The following SNTG1 variants were observed in gnomAD, a reference collection of about 807,000 sequenced individuals.
SNTG1 encodes syntrophin gamma 1.
In SNTG1, 39 loss-of-function variants were observed where a neutral mutation model predicts 74.7. The observed-to-expected ratio is 0.52, with a 90% CI of 0.40 to 0.68. The LOEUF (loss-of-function observed/expected upper bound fraction) is 0.68, where lower values mean the gene tolerates loss of function less well. Among genes scored for constraint, SNTG1 ranks in the 30% least tolerant of loss-of-function variants. SNTG1 has a pLI of 0.00. For missense variants in SNTG1, 685 were observed against 609.5 expected, an observed-to-expected ratio of 1.12 and a Z score of -1.30; for synonymous variants, 254 against 217.1, an observed-to-expected ratio of 1.17 and a Z score of -1.49.
intron 17 of SNTG1, among the ~76,000 whole-genome samples, chr8:50,735,858 G>T (rs980338879): frequency 2.6e-5 from 4 of 151,980 alleles, no homozygotes; most frequent in Non-Finnish European, 5.9e-5. Context: ...AAAATGTTAA[G>T]GGCAGCCAGA....
chr8:50,702,257 T>A (rs2095428867), intron 15 of SNTG1, among the ~76,000 whole-genome samples: 1 of 152,154 alleles, frequency 6.6e-6, no homozygotes, highest in Non-Finnish European at 1.5e-5. Context: ...ACCCCAAAAC[T>A]ACTAAAAAGT....
chr8:50,040,014 A>G (rs901675251), intron 1 of SNTG1, among the ~76,000 whole-genome samples: 1 of 152,070 alleles, frequency 6.6e-6, no homozygotes, highest in African/African-American at 2.4e-5. Flanking sequence ...TGACTCTTGG[A>G]CGCCACAGAG....
At chr8:49,964,395 T>G (rs6990701) in intron 1 of SNTG1, among the ~76,000 whole-genome samples, 7,451 of 152,296 alleles carry the variant, frequency 0.049, 604 homozygotes, top group African/African-American at 0.17. Context: ...CATGATCACA[T>G]GAGCCAATAC....
intron 15 of SNTG1, among the ~76,000 whole-genome samples, chr8:50,664,914 C>A (rs1187447615): frequency 2.0e-5 from 3 of 152,076 alleles, no homozygotes; most frequent in Non-Finnish European, 4.4e-5. Context: ...ATCATTTGGC[C>A]AGGAAACCCT....
At chr8:50,165,128 C>T (rs956411073) in intron 1 of SNTG1, among the ~76,000 whole-genome samples, 1 of 152,120 alleles carries the variant, frequency 6.6e-6, no homozygotes, top group Non-Finnish European at 1.5e-5. Flanking sequence ...TTGAGTTCTG[C>T]TTTGATGAGC....
chr8:50,484,137 C>CTTTCCTTCTTTCT (rs1563453444), intron 8 of SNTG1, among the ~76,000 whole-genome samples: 9 of 55,894 alleles, frequency 1.6e-4, no homozygotes, highest in Non-Finnish European at 3.4e-4. Context: ...TCTTTCTTTC[C>CTTTCCTTCTTTCT]TTCTTTCTTT....
At position 50,433,725 on chromosome 8, in the gene SNTG1, C is replaced by T. The variant is rs151172875; in HGVS notation, c.163-4818C>T. 4.6e-4 allele frequency among the ~76,000 whole-genome samples: 70 copies of T among 152,118 alleles called. 1 individual carries two copies. The highest frequency in any genetic ancestry group is 1.1e-3 in the African/African-American group (47 of 41,512). On this transcript the variant is annotated intron_variant, in intron 4 of 18. Coordinates refer to ENST00000642720, the MANE Select transcript of SNTG1 (RefSeq NM_018967.5). The stretch of plus-strand genomic sequence containing the variant: ...TATTTATTCATTTAACATTTTAATA[C>T]CTAACTTTGTTTCATGACCTGTGCT...
intron 13 of SNTG1, among the ~76,000 whole-genome samples, chr8:50,619,367 T>C (rs2094905714): frequency 6.6e-6 from 1 of 152,174 alleles, no homozygotes. Flanking sequence ...CTGTTCAGTG[T>C]TGGGTGCTCT....
intron 1 of SNTG1, among the ~76,000 whole-genome samples, chr8:49,936,589 A>G (rs1808100809): frequency 6.6e-6 from 1 of 152,202 alleles, no homozygotes; most frequent in Non-Finnish European, 1.5e-5. Context: ...TTTTTACAAT[A>G]TGCTCTGTTT....
intron 9 of SNTG1, among the ~76,000 whole-genome samples, chr8:50,517,154 G>C (rs1214393772): frequency 6.6e-6 from 1 of 152,118 alleles, no homozygotes; most frequent in Non-Finnish European, 1.5e-5. Flanking sequence ...CATTCTTAAA[G>C]AAAAGAATTT....
chr8:50,161,127 G>C (rs1188361428), intron 1 of SNTG1, among the ~76,000 whole-genome samples: 1 of 152,186 alleles, frequency 6.6e-6, no homozygotes, highest in Non-Finnish European at 1.5e-5. Flanking sequence ...TGAAGATGAT[G>C]ATGATCCATG....
At position 49,923,463 on chromosome 8, in the gene SNTG1, A is replaced by G. The variant is rs557352428; in HGVS notation, c.-103+11232A>G. 2.1e-4 allele frequency among the ~76,000 whole-genome samples: 32 copies of G among 152,284 alleles called. No homozygotes were observed. The South Asian group carries it at 6.6e-3, about 32-fold the overall frequency. On this transcript the variant is annotated intron_variant, in intron 1 of 18. Transcript: ENST00000642720. Reference sequence around the variant, plus strand: ...TTCTGAGGAGAATTAACAAAATTCCAAATGAAATACAGTCTCTTCCTTCAA... The same window carrying G: ...TTCTGAGGAGAATTAACAAAATTCCGAATGAAATACAGTCTCTTCCTTCAA...
chr8:49,963,016 G>A (rs1342451947), intron 1 of SNTG1, among the ~76,000 whole-genome samples: 4 of 152,192 alleles, frequency 2.6e-5, no homozygotes, highest in African/African-American at 7.2e-5. Flanking sequence ...AGCCAGAGGC[G>A]GGAAGCGCAA....
intron 13 of SNTG1, among the ~76,000 whole-genome samples, chr8:50,630,702 T>A (rs1455654691): frequency 6.6e-6 from 1 of 152,180 alleles, no homozygotes; most frequent in Admixed American, 6.5e-5. Flanking sequence ...TGATGAGAAC[T>A]GATGGAATTT....
At chr8:50,556,199 G>T (rs1178915156) in intron 12 of SNTG1, among the ~76,000 whole-genome samples, 6 of 152,102 alleles carry the variant, frequency 3.9e-5, no homozygotes, top group Non-Finnish European at 8.8e-5. Context: ...CTTAGTAAAT[G>T]ATGTCTACTA....
At chr8:50,056,143 CCTT>C (rs1415560909) in intron 1 of SNTG1, among the ~76,000 whole-genome samples, 1 of 152,096 alleles carries the variant, frequency 6.6e-6, no homozygotes, top group Non-Finnish European at 1.5e-5. Context: ...AGCCTCATGA[CCTT>C]CTTGTTTCCC....
chr8:50,373,934 A>G (rs1361317622), intron 2 of SNTG1, among the ~76,000 whole-genome samples: 1 of 152,142 alleles, frequency 6.6e-6, no homozygotes, highest in African/African-American at 2.4e-5. Context: ...GGGCCATTAC[A>G]GGAATCATCT....
chr8:50,647,924 T>G (rs536123343), intron 13 of SNTG1, among the ~76,000 whole-genome samples: 2 of 152,260 alleles, frequency 1.3e-5, no homozygotes, highest in South Asian at 4.1e-4. Context: ...GATACACTGT[T>G]TCTTTAGAAT....
chr8:50,251,828 A>G (rs922914180), intron 2 of SNTG1, among the ~76,000 whole-genome samples: 1 of 152,088 alleles, frequency 6.6e-6, no homozygotes, highest in African/African-American at 2.4e-5. Flanking sequence ...TAATAAAGAA[A>G]CAACAGACTC....
Sources: gnomAD v4.1 joint callset for allele counts (sites outside exome capture counted in the v4.1 genomes callset) on GRCh38, gnomAD v4.1.1 for gene constraint, MANE v1.5 for transcripts, NCBI Gene and HGNC (gene_info 2026-07-23, HGNC 2026-07-21) for gene names.